Variants in GLI4 observed in about 807,000 individuals in gnomAD.
GLI4 encodes the protein GLI family zinc finger 4.
GLI4 carries 34 observed loss-of-function variants against 30.9 expected under a neutral mutation model. That is an observed-to-expected ratio of 1.10 (90% CI 0.84 to 1.47). GLI4 has a LOEUF of 1.47. GLI4 is among the 40% of genes most tolerant of loss of function. The pLI, the probability that GLI4 is intolerant of heterozygous loss-of-function variation, is 0.00. For missense variants in GLI4, 696 were observed against 538.9 expected, an observed-to-expected ratio of 1.29 and a Z score of -2.89; for synonymous variants, 277 against 236.7, an observed-to-expected ratio of 1.17 and a Z score of -1.56.
chr8:143,276,501 C>T lies in GLI4; in HGVS notation c.828C>T (p.Phe276=). The T allele has an allele frequency of 6.2e-7, 1 of 1,613,134 alleles. No individual in the cohort carries two copies. Among genetic ancestry groups the T allele is most frequent in the South Asian group, 1.1e-5 (1 of 91,062 alleles). ...AGTGCGGCGAGTGCGGCCAGGCCTTCAGCCAGAGCTCCAACCTGGTGCGCC... is the reference window on the plus strand; with the variant it reads ...AGTGCGGCGAGTGCGGCCAGGCCTTTAGCCAGAGCTCCAACCTGGTGCGCC... The part of the protein sequence containing the change: ...PYKCGECGQA[F]SQSSNLVRHQ... Residue 276 remains phenylalanine, a synonymous_variant, in exon 4 of 4, where the codon TTC becomes TTT. Transcript: ENST00000340042.
chr8:143,276,471 C>T lies in GLI4; in HGVS notation c.798C>T (p.Pro266=), dbSNP rs770289868. The change falls in exon 4 of 4, where the codon CCC becomes CCT. Residue 266 remains proline, a synonymous_variant. Coordinates refer to ENST00000340042, the MANE Select transcript of GLI4 (RefSeq NM_138465.4). Reference sequence around the variant, plus strand: ...TGCGCATCCACAACGGCGAGAAGCCCTACAAGTGCGGCGAGTGCGGCCAGG... The same window carrying T: ...TGCGCATCCACAACGGCGAGAAGCCTTACAAGTGCGGCGAGTGCGGCCAGG... The part of the protein sequence containing the change: ...QHLRIHNGEK[P]YKCGECGQAF... The T allele has an allele frequency of 1.9e-5, 30 of 1,613,008 alleles. No individual in the cohort carries two copies. Among genetic ancestry groups the T allele is most frequent in the Admixed American group, 3.3e-5 (2 of 59,974 alleles).
intron 1 of GLI4, chr8:143,268,146 G>C: frequency 2.2e-6 from 2 of 909,386 alleles, no homozygotes; most frequent in Non-Finnish European, 2.6e-6. Flanking sequence ...TGGAGGACCT[G>C]CACCCAGTGG....
intron 3 of GLI4, chr8:143,275,589 A>G (rs935676816): frequency 5.6e-6 from 7 of 1,246,372 alleles, no homozygotes; most frequent in Non-Finnish European, 7.0e-6. Context: ...CCTCCTGGCT[A>G]AGGGTGACCC....
intron 2 of GLI4, among the ~76,000 whole-genome samples, chr8:143,274,263 G>A (rs569313647): frequency 1.3e-5 from 2 of 152,322 alleles, no homozygotes; most frequent in South Asian, 2.1e-4. Flanking sequence ...GAAAGGTCTG[G>A]GGCCAAGGCA....
In GLI4 at chr8:143,276,211, G is replaced by T. The variant is rs1056148; in HGVS notation, c.538G>T (p.Ala180Ser). The change falls in exon 4 of 4, where the codon GCC becomes TCC. Residue 180 changes from alanine (A) to serine (S), a missense_variant. Transcript: ENST00000340042. ...GRSRQGSARG[A>S]KPHRCEACGK... Reference sequence around the variant, plus strand: ...GAGCCGGCAGGGCAGCGCGCGGGGGGCCAAGCCGCACAGGTGCGAGGCCTG... The same window carrying T: ...GAGCCGGCAGGGCAGCGCGCGGGGGTCCAAGCCGCACAGGTGCGAGGCCTG... 15 of 1,579,316 alleles carry T rather than the reference G, an allele frequency of 9.5e-6. No homozygotes were observed. The highest frequency in any genetic ancestry group is 1.3e-5 in the Non-Finnish European group (15 of 1,163,464).
Position 143,276,714 on chromosome 8 carries a change from C to A in GLI4, c.1041C>A (p.Gly347=), listed in dbSNP as rs201946561. 43 of 1,610,854 alleles carry A rather than the reference C, an allele frequency of 2.7e-5. No individual in the cohort carries two copies. In the East Asian group the frequency reaches 8.9e-4, roughly 33 times the overall value. The change falls in exon 4 of 4, where the codon GGC becomes GGA. Residue 347 remains glycine, a synonymous_variant. Coordinates refer to ENST00000340042, the MANE Select transcript of GLI4 (RefSeq NM_138465.4). The part of the protein sequence containing the change: ...HFFRHLRTHT[G]EKPFACGACG... ...TCCGGCACCTGCGGACCCACACGGGCGAGAAGCCCTTCGCGTGTGGCGCCT... is the reference window on the plus strand; with the variant it reads ...TCCGGCACCTGCGGACCCACACGGGAGAGAAGCCCTTCGCGTGTGGCGCCT...
chr8:143,276,576 C>G lies in GLI4; in HGVS notation c.903C>G (p.Gly301=). 6.2e-7 allele frequency: 1 copy of G among 1,612,496 alleles called. No individual in the cohort carries two copies. Among genetic ancestry groups the G allele is most frequent in the African/African-American group, 1.3e-5 (1 of 75,028 alleles). Residue 301 remains glycine (G), a synonymous_variant, in exon 4 of 4, where the codon GGC becomes GGG. Transcript: ENST00000340042. ...AGCCCTACGCCTGCAGCCAGTGCGG[C>G]AAGGCCTTCATCTGGAGCTCCGTGC... ...GEKPYACSQC[G]KAFIWSSVLI... is the part of the protein sequence containing the mutation.
At chr8:143,271,356 T>C (rs888039051) in intron 2 of GLI4, among the ~76,000 whole-genome samples, 2 of 152,142 alleles carry the variant, frequency 1.3e-5, no homozygotes, top group African/African-American at 2.4e-5. Context: ...TTCATGCTGA[T>C]AGGCCTGGTG....
intron 3 of GLI4, chr8:143,275,463 G>A: frequency 7.3e-7 from 1 of 1,361,158 alleles, no homozygotes; most frequent in Non-Finnish European, 9.4e-7. Flanking sequence ...CGAGGCCTGG[G>A]GCAGCCCCAT....
At chr8:143,274,652 G>A (rs562908954) in intron 2 of GLI4, 52 bp from the exon 3 acceptor site, 69 of 1,503,372 alleles carry the variant, frequency 4.6e-5, no homozygotes, top group Admixed American at 1.6e-4. Flanking sequence ...AGAGAGGAGC[G>A]GAGGCAGTGG....
intron 3 of GLI4, 93 bp downstream of exon 3, chr8:143,274,895 C>T: frequency 6.7e-7 from 1 of 1,492,736 alleles, no homozygotes; most frequent in Non-Finnish European, 9.0e-7. Context: ...CCAATGCTGG[C>T]ACCACCCCCT....
At position 143,269,362 on chromosome 8, in the gene GLI4, C is replaced by T. The variant is rs371542284; in HGVS notation, c.-35C>T. 7 of 1,604,386 alleles carry T rather than the reference C, an allele frequency of 4.4e-6. No homozygotes were observed. The highest frequency in any genetic ancestry group is 2.7e-5 in the African/African-American group (2 of 74,608). Reference sequence around the variant, plus strand: ...GCCATGGTTTTCATTTTCCCCAGGTCCCAGGTGTGACACCTTCAGCAGGTC... The same window carrying T: ...GCCATGGTTTTCATTTTCCCCAGGTTCCAGGTGTGACACCTTCAGCAGGTC... On this transcript the variant is annotated splice_region_variant and 5_prime_UTR_variant, in exon 2 of 4. Transcript: ENST00000340042.
chr8:143,267,512 C>A, intron 1 of GLI4, 28 bp downstream of exon 1: 1 of 986,426 alleles, frequency 1.0e-6, no homozygotes, highest in East Asian at 1.1e-4. Context: ...GCGGCGGCGG[C>A]TCCGGGTGCC....
In GLI4 at chr8:143,276,077, C is replaced by T. The variant is rs913641195; in HGVS notation, c.404C>T (p.Pro135Leu). Residue 135 changes from proline to leucine, a missense_variant, in exon 4 of 4, where the codon CCT becomes CTT. Pro to Leu is a moderately conservative substitution (Grantham distance 98). Coordinates refer to ENST00000340042, the MANE Select transcript of GLI4 (RefSeq NM_138465.4). Reference protein sequence around the residue: ...RPAGQPPGAVPCAQPRGAWRV... With the variant: ...RPAGQPPGAVLCAQPRGAWRV... The stretch of plus-strand genomic sequence containing the variant: ...GCGGGCCAGCCGCCTGGGGCCGTCC[C>T]TTGCGCCCAGCCGCGGGGCGCCTGG... 2.1e-6 allele frequency: 3 copies of T among 1,405,522 alleles called. No individual in the cohort carries two copies. Among genetic ancestry groups the T allele is most frequent in the South Asian group, 1.6e-5 (1 of 62,074 alleles). 87.1% of individuals were successfully genotyped at this position (1,405,522 alleles called of 1,614,324 possible). A position where few individuals can be genotyped will look rare whatever the true frequency, so the allele number is the denominator to read the frequency against.
At position 143,276,149 on chromosome 8, in the gene GLI4, C is replaced by T. The variant is rs1815381825; in HGVS notation, c.476C>T (p.Pro159Leu). 1 of 1,546,358 alleles carries T rather than the reference C, an allele frequency of 6.5e-7. No individual in the cohort carries two copies. Among genetic ancestry groups the T allele is most frequent in the Non-Finnish European group, 8.7e-7 (1 of 1,145,754 alleles). ...GCAGCGGCCGGGCCCGAGGGTGCGCCCGAGCGGGCTGCCGAGCTGGGAGTC... is the reference window on the plus strand; with the variant it reads ...GCAGCGGCCGGGCCCGAGGGTGCGCTCGAGCGGGCTGCCGAGCTGGGAGTC... ...QQAAAGPEGA[P>L]ERAAELGVNF... The change falls in exon 4 of 4, where the codon CCC becomes CTC. Residue 159 changes from proline (P) to leucine (L), a missense_variant. By Grantham distance (98) the Pro-to-Leu change is moderately conservative. Coordinates refer to ENST00000340042, the MANE Select transcript of GLI4 (RefSeq NM_138465.4).
rs758068235 is a variant in GLI4 at position 143,276,809 on chromosome 8, G to C, written c.*5G>C. On this transcript the variant is annotated 3_prime_UTR_variant, in exon 4 of 4. Coordinates refer to ENST00000340042, the MANE Select transcript of GLI4 (RefSeq NM_138465.4). ...CGGGTGCACTACCGCGAGTAGCCGG[G>C]CGGGGGCTCGGGGCTCGGCCTCCTA... 6.5e-7 allele frequency: 1 copy of C among 1,536,432 alleles called. No homozygotes were observed. The highest frequency in any genetic ancestry group is 1.9e-5 in the Admixed American group (1 of 51,766).
chr8:143,275,221 C>T (rs1417895739), intron 3 of GLI4: 14 of 1,534,372 alleles, frequency 9.1e-6, no homozygotes, highest in Non-Finnish European at 1.2e-5. Context: ...CTGGTTGGAG[C>T]TGTGTCCAGG....
intron 2 of GLI4, among the ~76,000 whole-genome samples, chr8:143,271,497 AT>A (rs1236697582): frequency 6.6e-6 from 1 of 152,194 alleles, no homozygotes; most frequent in Non-Finnish European, 1.5e-5. Context: ...GGGGCCACAG[AT>A]TCCTAAGCAG....
At chr8:143,271,470 C>T (rs1396108139) in intron 2 of GLI4, among the ~76,000 whole-genome samples, 1 of 152,230 alleles carries the variant, frequency 6.6e-6, no homozygotes, top group Non-Finnish European at 1.5e-5. Context: ...GCTTCCTCTG[C>T]TCCTTGGGAA....
Sources: gnomAD v4.1 joint callset for allele counts (sites outside exome capture counted in the v4.1 genomes callset) on GRCh38, gnomAD v4.1.1 for gene constraint, MANE v1.5 for transcripts, NCBI Gene and HGNC (gene_info 2026-07-23, HGNC 2026-07-21) for gene names.